Variants in PCDH15 observed in about 807,000 individuals in gnomAD.
PCDH15 encodes the protein protocadherin-15.
A neutral mutation model predicts 178.5 loss-of-function variants in PCDH15; 129 were observed. The ratio of observed to expected loss-of-function variants is 0.72; its 90% CI spans 0.63 to 0.84. The LOEUF (loss-of-function observed/expected upper bound fraction) is 0.84. Ranked by LOEUF, PCDH15 falls within the 40% of genes least tolerant of loss-of-function variation. The pLI, the probability that PCDH15 is intolerant of heterozygous loss-of-function variation, is 0.00. For synonymous variants in PCDH15, 800 were observed against 732.0 expected, an observed-to-expected ratio of 1.09 and a Z score of -1.50; for missense variants, 2,230 against 2,099.9, an observed-to-expected ratio of 1.06 and a Z score of -1.21.
intron 14 of PCDH15, among the ~76,000 whole-genome samples, chr10:54,136,289 A>C (rs1309994471): frequency 2.6e-5 from 4 of 152,206 alleles, no homozygotes; most frequent in African/African-American, 4.8e-5. Flanking sequence ...TGAAAAGTAC[A>C]ATATGTAGAC....
intron 3 of PCDH15, among the ~76,000 whole-genome samples, chr10:54,447,665 G>C (rs2076227680): frequency 6.6e-6 from 1 of 151,690 alleles, no homozygotes. Flanking sequence ...AAACATAACA[G>C]CTTATAAAGG....
chr10:55,272,308 TA>T (rs1483889929), intron 1 of PCDH15, among the ~76,000 whole-genome samples: 1 of 151,678 alleles, frequency 6.6e-6, no homozygotes, highest in Non-Finnish European at 1.5e-5. Context: ...TTGCCTTTCA[TA>T]ATAACTCATT....
intron 2 of PCDH15, among the ~76,000 whole-genome samples, chr10:54,539,415 CA>C (rs2084944498): frequency 6.6e-6 from 1 of 152,130 alleles, no homozygotes; most frequent in South Asian, 2.1e-4. Context: ...GGGTTCAATT[CA>C]AAGACAAGAC....
chr10:55,331,033 T>C (rs1434224844), intron 2 of PCDH15, among the ~76,000 whole-genome samples: 2 of 151,948 alleles, frequency 1.3e-5, no homozygotes, highest in East Asian at 3.8e-4. Context: ...TTATCCATTA[T>C]ACTTAAGATA....
At chr10:54,427,279 T>TC (rs1589356607) in intron 3 of PCDH15, among the ~76,000 whole-genome samples, 1 of 135,254 alleles carries the variant, frequency 7.4e-6, no homozygotes, top group South Asian at 2.8e-4. Flanking sequence ...GTTTTTTTTT[T>TC]TTTTTTTTTT....
intron 2 of PCDH15, among the ~76,000 whole-genome samples, chr10:55,001,399 G>T (rs542840586): frequency 1.3e-5 from 2 of 152,254 alleles, no homozygotes; most frequent in South Asian, 4.1e-4. Flanking sequence ...CCACGTTGTG[G>T]GTGATGAGAA....
chr10:54,610,111 G>T (rs1375289742), intron 2 of PCDH15, among the ~76,000 whole-genome samples: 2 of 151,838 alleles, frequency 1.3e-5, no homozygotes, highest in Non-Finnish European at 2.9e-5. Flanking sequence ...TCCTCTTAGG[G>T]GATGTGAATA....
intron 10 of PCDH15, among the ~76,000 whole-genome samples, chr10:54,205,728 C>T (rs943493968): frequency 3.3e-5 from 5 of 151,916 alleles, no homozygotes; most frequent in Non-Finnish European, 5.9e-5. Flanking sequence ...ACAGGAGCCT[C>T]CTTTTATTCA....
chr10:55,262,503 C>T (rs1842171458), intron 1 of PCDH15, among the ~76,000 whole-genome samples: 1 of 152,162 alleles, frequency 6.6e-6, no homozygotes, highest in Non-Finnish European at 1.5e-5. Flanking sequence ...CAGAGGAACG[C>T]ATAAGCGGCT....
At chr10:54,032,865 G>A (rs930689105) in intron 18 of PCDH15, among the ~76,000 whole-genome samples, 2 of 151,932 alleles carry the variant, frequency 1.3e-5, no homozygotes, top group African/African-American at 4.8e-5. Flanking sequence ...ATGGTGGATG[G>A]TGAAGGGGAA....
chr10:53,847,817 ATT>A (rs2078074181), intron 28 of PCDH15, among the ~76,000 whole-genome samples: 1 of 151,492 alleles, frequency 6.6e-6, no homozygotes, highest in African/African-American at 2.4e-5. Context: ...TGTTTGCTTT[ATT>A]TTTCTACACT....
chr10:55,056,355 T>C (rs1841302868), intron 2 of PCDH15, among the ~76,000 whole-genome samples: 1 of 152,104 alleles, frequency 6.6e-6, no homozygotes, highest in South Asian at 2.1e-4. Context: ...ATCATTATAG[T>C]CCAGCCAAAC....
chr10:55,476,741 T>C (rs1351906126), intron 2 of PCDH15, among the ~76,000 whole-genome samples: 1 of 152,038 alleles, frequency 6.6e-6, no homozygotes, highest in Non-Finnish European at 1.5e-5. Flanking sequence ...TGCTTACTTA[T>C]CAAACCAATG....
At chr10:54,501,958 C>CA (rs1219350647) in intron 3 of PCDH15, among the ~76,000 whole-genome samples, 4 of 151,942 alleles carry the variant, frequency 2.6e-5, no homozygotes, top group Non-Finnish European at 4.4e-5. Context: ...ATAACACATG[C>CA]TAGATTGCTC....
intron 8 of PCDH15, among the ~76,000 whole-genome samples, chr10:54,241,486 C>T (rs1488307915): frequency 1.3e-5 from 2 of 152,184 alleles, no homozygotes; most frequent in African/African-American, 4.8e-5. Context: ...AACCCTCAGC[C>T]TAGTGCCTCA....
intron 2 of PCDH15, among the ~76,000 whole-genome samples, chr10:55,619,076 T>G (rs960932669): frequency 2.6e-5 from 4 of 152,042 alleles, no homozygotes; most frequent in African/African-American, 9.7e-5. Context: ...AACTTTCTTT[T>G]TAGGATCAGC....
chr10:53,886,683 C>A (rs1180443028), intron 26 of PCDH15, among the ~76,000 whole-genome samples: 1 of 144,448 alleles, frequency 6.9e-6, no homozygotes, highest in Admixed American at 7.3e-5. Flanking sequence ...GAATATTGAG[C>A]CCAAAAAGAG....
At chr10:55,323,049 G>C (rs1033678570), upstream of PCDH15, among the ~76,000 whole-genome samples, 8 of 152,132 alleles carry the variant, frequency 5.3e-5, no homozygotes, top group African/African-American at 1.7e-4. Flanking sequence ...TTGCTAAAAG[G>C]GGCCAACTTG....
chr10:54,853,287 G>GTATATA (rs372294767), intron 3 of PCDH15, among the ~76,000 whole-genome samples: 1,501 of 56,380 alleles, frequency 0.027, 22 homozygotes, highest in South Asian at 0.062. Flanking sequence ...GTATGTATGT[G>GTATATA]TGTATATATA....
Sources: gnomAD v4.1 joint callset for allele counts (sites outside exome capture counted in the v4.1 genomes callset) on GRCh38, gnomAD v4.1.1 for gene constraint, MANE v1.5 for transcripts, NCBI Gene and HGNC (gene_info 2026-07-23, HGNC 2026-07-21) for gene names.